NCOA7: variants seen among roughly 807,000 people sequenced by gnomAD.
The protein encoded by NCOA7 is 140 kDa estrogen receptor-associated protein.
NCOA7 carries 45 observed loss-of-function variants against 104.3 expected under a neutral mutation model. The ratio of observed to expected loss-of-function variants is 0.43; its 90% confidence interval spans 0.34 to 0.55. The LOEUF is 0.55. Among genes scored for constraint, NCOA7 ranks in the 20% least tolerant of loss-of-function variants. The pLI is 0.02. For synonymous variants in NCOA7, 398 were observed against 402.3 expected, an observed-to-expected ratio of 0.99 and a Z score of 0.13; for missense variants, 1,041 against 1,119.7, an observed-to-expected ratio of 0.93 and a Z score of 1.00.
rs1357380832 is a variant in NCOA7 at position 125,907,876 on chromosome 6, G to A, written c.2097-7457G>A. The stretch of plus-strand genomic sequence containing the variant: ...TTTAGGTAGATGGTATATTTTACCA[G>A]CATTGGTTAAAACATAAGGTTGCTT... On this transcript the variant is annotated intron_variant, in intron 10 of 15. Transcript: ENST00000392477. 2.6e-5 allele frequency among the ~76,000 whole-genome samples: 4 copies of A among 152,206 alleles called. No individual in the cohort carries two copies. In the East Asian group the frequency reaches 5.8e-4, roughly 22 times the overall value.
intron 2 of NCOA7, among the ~76,000 whole-genome samples, chr6:125,823,798 C>G (rs1778411818): frequency 6.6e-6 from 1 of 151,886 alleles, no homozygotes; most frequent in South Asian, 2.1e-4. Context: ...CTCATGAAAT[C>G]AGTTTAGTGG....
At chr6:125,818,941 G>A (rs1181787447) in intron 2 of NCOA7, 2 of 152,226 alleles carry the variant, frequency 1.3e-5, no homozygotes, top group Non-Finnish European at 2.9e-5. Flanking sequence ...TGCAATCTCA[G>A]TTTTCTCTAA....
intron 1 of NCOA7, among the ~76,000 whole-genome samples, chr6:125,811,015 A>C (rs1485071258): frequency 6.6e-6 from 1 of 152,226 alleles, no homozygotes; most frequent in East Asian, 1.9e-4. Context: ...CAGTATAAAA[A>C]TTTTCCAATT....
intron 2 of NCOA7, among the ~76,000 whole-genome samples, chr6:125,828,047 G>C (rs888783360): frequency 2.0e-5 from 3 of 152,224 alleles, no homozygotes; most frequent in Non-Finnish European, 4.4e-5. Context: ...AATCTGGATT[G>C]AAAACAGGTT....
intron 2 of NCOA7, among the ~76,000 whole-genome samples, chr6:125,835,902 G>A (rs1239170748): frequency 6.6e-6 from 1 of 152,216 alleles, no homozygotes; most frequent in Non-Finnish European, 1.5e-5. Context: ...AGAATGACAT[G>A]CTTTGAGTCT....
intron 1 of NCOA7, among the ~76,000 whole-genome samples, chr6:125,783,858 G>A (rs918171829): frequency 2.0e-5 from 3 of 152,064 alleles, no homozygotes; most frequent in Admixed American, 1.3e-4. Context: ...ATCTTTTAGA[G>A]GGTGTTCATT....
chr6:125,870,480 T>C (rs1200678332), intron 3 of NCOA7, among the ~76,000 whole-genome samples: 1 of 152,210 alleles, frequency 6.6e-6, no homozygotes, highest in Non-Finnish European at 1.5e-5. Context: ...TTTCCCCCTT[T>C]ATATCAGCCA....
intron 10 of NCOA7, among the ~76,000 whole-genome samples, chr6:125,905,425 C>A (rs530245300): frequency 1.6e-4 from 24 of 152,058 alleles, no homozygotes; most frequent in Admixed American, 2.6e-4. Flanking sequence ...CCATGCCCAG[C>A]TAATTTTTGT....
intron 1 of NCOA7, among the ~76,000 whole-genome samples, chr6:125,799,282 C>T (rs59144242): frequency 0.055 from 8,309 of 152,062 alleles, 741 homozygotes; most frequent in African/African-American, 0.19. Flanking sequence ...AATTTCCCTC[C>T]ACATTTCTTC....
intron 1 of NCOA7, among the ~76,000 whole-genome samples, chr6:125,797,493 A>G (rs531350968): frequency 6.6e-6 from 1 of 152,322 alleles, no homozygotes; most frequent in South Asian, 2.1e-4. Context: ...TATAGAATAG[A>G]AATAATTTGT....
chr6:125,825,784 G>T (rs1393477522), intron 2 of NCOA7, among the ~76,000 whole-genome samples: 8 of 151,958 alleles, frequency 5.3e-5, no homozygotes. Flanking sequence ...CTTCTACTAT[G>T]CCAAGTCAAC....
At chr6:125,886,044 A>G (rs1784231064) in intron 8 of NCOA7, among the ~76,000 whole-genome samples, 1 of 152,052 alleles carries the variant, frequency 6.6e-6, no homozygotes, top group African/African-American at 2.4e-5. Flanking sequence ...CTTTCGCTCT[A>G]CTGTGTCTGT....
rs1777482401 is a variant in NCOA7, at chr6:125,815,271, T to G, written c.-64-20T>G. ...TGTAAACTTTTAAGTTTACAGTTGC[T>G]TTGTTATCTTTTCTTACAGGGTTAC... On this transcript the variant is annotated intron_variant, in intron 1 of 15. Transcript: ENST00000392477. 3 of 1,024,300 alleles carry G rather than the reference T, an allele frequency of 2.9e-6. No homozygotes were observed. Among genetic ancestry groups the G allele is most frequent in the Non-Finnish European group, 4.3e-6 (3 of 698,122 alleles). 63.5% of individuals were successfully genotyped at this position (1,024,300 alleles called of 1,614,324 possible).
intron 11 of NCOA7, chr6:125,919,174 G>C (rs1787343576): frequency 6.9e-7 from 1 of 1,459,608 alleles, no homozygotes; most frequent in Non-Finnish European, 9.2e-7. Flanking sequence ...CCTAATTTGG[G>C]TGTGTTCCTG....
intron 2 of NCOA7, among the ~76,000 whole-genome samples, chr6:125,848,753 C>A (rs1780854040): frequency 1.3e-5 from 2 of 152,076 alleles, no homozygotes; most frequent in Admixed American, 6.6e-5. Flanking sequence ...ACTTATGTAA[C>A]AAACCTGCAT....
chr6:125,842,446 C>T lies in NCOA7; in HGVS notation c.51-12574C>T, dbSNP rs538230731. 2.9e-4 allele frequency among the ~76,000 whole-genome samples: 44 copies of T among 152,126 alleles called. No homozygotes were observed. In the South Asian group the frequency reaches 7.0e-3, roughly 24 times the overall value. ...CTGTTGTAGCAAAATATATGTGTCACGAAAATATATGCCAATGCTGCTTTC... is the reference window on the plus strand; with the variant it reads ...CTGTTGTAGCAAAATATATGTGTCATGAAAATATATGCCAATGCTGCTTTC... On this transcript the variant is annotated intron_variant, in intron 2 of 15. Coordinates refer to ENST00000392477, the MANE Select transcript of NCOA7 (RefSeq NM_181782.5).
chr6:125,867,044 C>T (rs1372415417), intron 3 of NCOA7, among the ~76,000 whole-genome samples: 2 of 152,150 alleles, frequency 1.3e-5, no homozygotes, highest in African/African-American at 4.8e-5. Flanking sequence ...TCCATTTAGA[C>T]ACTTCAGTTA....
At chr6:125,790,344 G>GT (rs1774710829), upstream of NCOA7, among the ~76,000 whole-genome samples, 1 of 152,246 alleles carries the variant, frequency 6.6e-6, no homozygotes, top group South Asian at 2.1e-4. Context: ...CGGGCCAACT[G>GT]TAAGGGGGAA....
chr6:125,871,601 A>C (rs1782912507), intron 3 of NCOA7, among the ~76,000 whole-genome samples: 1 of 152,232 alleles, frequency 6.6e-6, no homozygotes, highest in Admixed American at 6.5e-5. Context: ...TGGCAGGTGC[A>C]CATGATTTGC....
Sources: gnomAD v4.1 joint callset for allele counts (sites outside exome capture counted in the v4.1 genomes callset) on GRCh38, gnomAD v4.1.1 for gene constraint, MANE v1.5 for transcripts, NCBI Gene and HGNC (gene_info 2026-07-23, HGNC 2026-07-21) for gene names.